IFT52: variants seen among roughly 807,000 people sequenced by gnomAD.
The protein encoded by IFT52 is intraflagellar transport protein 52 homolog.
A neutral mutation model predicts 54.4 loss-of-function variants in IFT52; 44 were observed. That is an observed-to-expected ratio of 0.81 (90% CI 0.63 to 1.04). The LOEUF (loss-of-function observed/expected upper bound fraction) is 1.04, where lower values mean the gene tolerates loss of function less well. Ranked by LOEUF, IFT52 falls within the 50% of genes least tolerant of loss-of-function variation. IFT52 has a pLI of 0.00. For synonymous variants in IFT52, 181 were observed against 185.3 expected, an observed-to-expected ratio of 0.98 and a Z score of 0.19; for missense variants, 452 against 523.6, an observed-to-expected ratio of 0.86 and a Z score of 1.33.
At chr20:43,633,344 A>C (rs536536698) in intron 10 of IFT52, among the ~76,000 whole-genome samples, 1 of 147,328 alleles carries the variant, frequency 6.8e-6, no homozygotes, top group East Asian at 2.0e-4. Context: ...ACTCCGTCTC[A>C]AAAAAAAAAG....
intron 1 of IFT52, among the ~76,000 whole-genome samples, chr20:43,593,843 C>T (rs990812917): frequency 2.6e-5 from 4 of 152,014 alleles, no homozygotes; most frequent in African/African-American, 7.2e-5. Flanking sequence ...GAGTTACAGG[C>T]GTGAGCCACT....
chr20:43,609,329 G>C (rs936234691), intron 6 of IFT52, among the ~76,000 whole-genome samples: 1 of 152,166 alleles, frequency 6.6e-6, no homozygotes, highest in Non-Finnish European at 1.5e-5. Context: ...CATATATGGA[G>C]GGTGGGGATT....
intron 2 of IFT52, 83 bp downstream of exon 2, chr20:43,594,900 A>G (rs1601016974): frequency 2.5e-6 from 2 of 806,750 alleles, no homozygotes; most frequent in East Asian, 4.9e-5. Context: ...TTCTTAGGTA[A>G]CATAGATTGT....
chr20:43,591,060 G>A lies in IFT52; in HGVS notation c.-7+6G>A, dbSNP rs1007450492. 6.6e-6 allele frequency: 1 copy of A among 152,472 alleles called. No individual in the cohort carries two copies. The highest frequency in any genetic ancestry group is 1.5e-5 in the Non-Finnish European group (1 of 68,206). The allele number at this position is 152,472 out of a possible 1,614,324, so 9.4% of individuals were successfully genotyped here. A position where few individuals can be genotyped will look rare whatever the true frequency, so the allele number is the denominator to read the frequency against. On this transcript the variant is annotated splice_donor_region_variant and intron_variant, in intron 1 of 13. Coordinates refer to ENST00000373030, the MANE Select transcript of IFT52 (RefSeq NM_016004.5). The stretch of plus-strand genomic sequence containing the variant: ...CGGTGGTCGCTGGGCCTCAGGTAAA[G>A]GGCGCCAACAGTGGTGGGCCGGCTG...
At chr20:43,597,099 C>T (rs911810242) in intron 3 of IFT52, among the ~76,000 whole-genome samples, 25 of 150,200 alleles carry the variant, frequency 1.7e-4, no homozygotes, top group East Asian at 6.1e-4. Context: ...CCGCCAGGCG[C>T]GGTGGCTCAC....
rs539802563 is a variant in IFT52 at position 43,625,371 on chromosome 20, C to T, written c.923+1326C>T. ...TAAAAATACAAAAATTAGCTGGGCA[C>T]GATGGTGGGCACCTGTAATCCCAGC... On this transcript the variant is annotated intron_variant, in intron 10 of 13. Transcript: ENST00000373030. Among the ~76,000 whole-genome samples the T allele has an allele frequency of 6.6e-5, 10 of 151,910 alleles. No individual in the cohort carries two copies. The South Asian group carries it at 2.1e-3, about 32-fold the overall frequency.
At chr20:43,604,934 A>G (rs1982737310) in intron 5 of IFT52, 68 bp from the exon 6 acceptor site, 2 of 1,509,034 alleles carry the variant, frequency 1.3e-6, no homozygotes, top group Non-Finnish European at 1.8e-6. Context: ...TACTTGCTGT[A>G]CTAATGAATG....
chr20:43,598,055 C>T (rs989502682), intron 3 of IFT52, among the ~76,000 whole-genome samples: 2 of 152,034 alleles, frequency 1.3e-5, no homozygotes, highest in Non-Finnish European at 2.9e-5. Flanking sequence ...TATCCATCGG[C>T]AGATGAGTAG....
At chr20:43,616,039 A>T (rs1322142062) in intron 7 of IFT52, among the ~76,000 whole-genome samples, 1 of 152,174 alleles carries the variant, frequency 6.6e-6, no homozygotes, top group Non-Finnish European at 1.5e-5. Context: ...CCAATTTTTT[A>T]AAAATGTATG....
intron 10 of IFT52, among the ~76,000 whole-genome samples, chr20:43,631,451 CAT>C (rs1430201443): frequency 3.3e-5 from 5 of 152,170 alleles, no homozygotes; most frequent in East Asian, 1.9e-4. Context: ...AGACCTCACT[CAT>C]AGAAAAAAGC....
chr20:43,640,966 A>G (rs1417608644), intron 12 of IFT52, among the ~76,000 whole-genome samples: 3 of 147,808 alleles, frequency 2.0e-5, no homozygotes, highest in Non-Finnish European at 3.0e-5. Flanking sequence ...AGGAGGCAGA[A>G]GTTGCAGTGA....
intron 2 of IFT52, among the ~76,000 whole-genome samples, chr20:43,595,241 C>T (rs180752501): frequency 2.7e-4 from 40 of 149,810 alleles, no homozygotes; most frequent in African/African-American, 7.9e-4. Context: ...TGCTTGAACC[C>T]GGGAGGCAGA....
At chr20:43,600,595 C>T (rs1982361336) in intron 3 of IFT52, among the ~76,000 whole-genome samples, 1 of 152,104 alleles carries the variant, frequency 6.6e-6, no homozygotes, top group African/African-American at 2.4e-5. Flanking sequence ...GAGTATAATT[C>T]TTCTCTCAGT....
chr20:43,606,783 T>C (rs1982920633), intron 6 of IFT52, among the ~76,000 whole-genome samples: 1 of 152,104 alleles, frequency 6.6e-6, no homozygotes, highest in Non-Finnish European at 1.5e-5. Context: ...GGAGTGGTGA[T>C]GACTCTTAAC....
intron 9 of IFT52, among the ~76,000 whole-genome samples, chr20:43,623,250 T>C (rs1984472480): frequency 1.3e-5 from 2 of 152,212 alleles, no homozygotes; most frequent in African/African-American, 2.4e-5. Flanking sequence ...AGTGGTTTGA[T>C]CACGGCTCAC....
intron 9 of IFT52, among the ~76,000 whole-genome samples, chr20:43,622,997 G>A (rs1365065309): frequency 1.3e-5 from 2 of 152,024 alleles, no homozygotes; most frequent in African/African-American, 4.8e-5. Flanking sequence ...TAGTGTAGCA[G>A]TGGAGGAACT....
intron 2 of IFT52, among the ~76,000 whole-genome samples, 159 bp from the exon 3 acceptor site, chr20:43,596,276 G>A (rs1981951194): frequency 6.6e-6 from 1 of 152,178 alleles, no homozygotes; most frequent in Non-Finnish European, 1.5e-5. Flanking sequence ...CCTGTAGAGG[G>A]AATTCTCACT....
chr20:43,595,376 C>A (rs1981867317), intron 2 of IFT52, among the ~76,000 whole-genome samples: 1 of 148,872 alleles, frequency 6.7e-6, no homozygotes, highest in Non-Finnish European at 1.5e-5. Context: ...TGGCGAAACC[C>A]TGTCTCTACT....
chr20:43,624,696 T>G (rs548287805), intron 10 of IFT52, among the ~76,000 whole-genome samples: 1 of 152,070 alleles, frequency 6.6e-6, no homozygotes, highest in African/African-American at 2.4e-5. Context: ...CAGTTAAAAG[T>G]ACAGGACAGC....
Sources: allele counts gnomAD v4.1 joint callset (sites outside exome capture counted in the v4.1 genomes callset), GRCh38; gene constraint gnomAD v4.1.1; transcripts MANE v1.5; gene names NCBI Gene and HGNC (gene_info 2026-07-23, HGNC 2026-07-21).